Variants in SERPINB11 observed in about 807,000 individuals in gnomAD.
SERPINB11 encodes serpin family B member 11.
A neutral mutation model predicts 36.7 loss-of-function variants in SERPINB11; 32 were observed. That is an observed-to-expected ratio of 0.87 (90% confidence interval 0.66 to 1.17). The LOEUF (loss-of-function observed/expected upper bound fraction) is 1.17, where lower values mean the gene tolerates loss of function less well. Ranked by LOEUF, SERPINB11 falls within the 50% of genes most tolerant of loss-of-function variation. SERPINB11 has a pLI of 0.00. For synonymous variants in SERPINB11, 174 were observed against 168.1 expected, an observed-to-expected ratio of 1.04 and a Z score of -0.27; for missense variants, 528 against 458.4, an observed-to-expected ratio of 1.15 and a Z score of -1.39.
intron 4 of SERPINB11, among the ~76,000 whole-genome samples, 180 bp from the exon 5 acceptor site, chr18:63,715,855 A>G (rs1422846902): frequency 6.6e-6 from 1 of 152,186 alleles, no homozygotes; most frequent in African/African-American, 2.4e-5. Context: ...AGGGTTTCAG[A>G]TTTTGTTAAA....
Position 63,720,051 on chromosome 18 carries a change from C to G in SERPINB11, c.514C>G (p.Pro172Ala), listed in dbSNP as rs1377292061. Residue 172 changes from proline to alanine, a missense_variant, in exon 6 of 8, where the codon CCT becomes GCT. Physicochemically the swap from Pro to Ala is conservative, Grantham distance 27. Coordinates refer to ENST00000544088, the MANE Select transcript of SERPINB11 (RefSeq NM_001370475.1). Reference sequence around the variant, plus strand: ...TCTCTTTGGAAAGAGCACAATTGACCCTTCATCTGTAATGGTCCTGGTGAA... The same window carrying G: ...TCTCTTTGGAAAGAGCACAATTGACGCTTCATCTGTAATGGTCCTGGTGAA... ...ANLFGKSTID[P>A]SSVMVLVNAI... The G allele has an allele frequency of 6.2e-7, 1 of 1,609,194 alleles. No homozygotes were observed. Among genetic ancestry groups the G allele is most frequent in the Admixed American group, 1.7e-5 (1 of 59,286 alleles).
chr18:63,709,321 G>C (rs923147228), intron 1 of SERPINB11, among the ~76,000 whole-genome samples: 1 of 152,126 alleles, frequency 6.6e-6, no homozygotes, highest in African/African-American at 2.4e-5. Flanking sequence ...AGATAAAAAT[G>C]TGCTGGAAGT....
rs529877936 is a variant in SERPINB11, at chr18:63,711,653, C to T, written c.228+259C>T. On this transcript the variant is annotated intron_variant, in intron 3 of 7. Coordinates refer to ENST00000544088, the MANE Select transcript of SERPINB11 (RefSeq NM_001370475.1). ...TCAAACTTTTTTGTTCCTTTATGGA[C>T]GGTGCCCTGTGTTGAGTTTGCCAGT... 5.9e-5 allele frequency among the ~76,000 whole-genome samples: 9 copies of T among 152,140 alleles called. No homozygotes were observed. The South Asian group carries it at 1.0e-3, about 18-fold the overall frequency.
chr18:63,714,845 G>A (rs759559056), intron 4 of SERPINB11, among the ~76,000 whole-genome samples: 4 of 152,082 alleles, frequency 2.6e-5, no homozygotes, highest in African/African-American at 4.8e-5. Flanking sequence ...CTCAGCTTAC[G>A]AAGATGATGG....
chr18:63,704,841 C>T (rs1262273014), intron 1 of SERPINB11, among the ~76,000 whole-genome samples: 1 of 152,150 alleles, frequency 6.6e-6, no homozygotes, highest in African/African-American at 2.4e-5. Flanking sequence ...GAAATTCTCA[C>T]ACAGCTGTGT....
intron 1 of SERPINB11, among the ~76,000 whole-genome samples, chr18:63,709,127 A>G (rs1914447841): frequency 6.6e-6 from 1 of 152,210 alleles, no homozygotes; most frequent in South Asian, 2.1e-4. Context: ...TTCTTGTCCT[A>G]AGATAACACA....
chr18:63,712,391 G>T (rs890098580), intron 3 of SERPINB11, among the ~76,000 whole-genome samples, 174 bp from the exon 4 acceptor site: 2 of 152,146 alleles, frequency 1.3e-5, no homozygotes, highest in Non-Finnish European at 2.9e-5. Flanking sequence ...GTTACAGAGT[G>T]GTGAAATTAA....
intron 4 of SERPINB11, among the ~76,000 whole-genome samples, chr18:63,713,887 T>C (rs1279721277): frequency 2.6e-5 from 4 of 152,180 alleles, no homozygotes; most frequent in Non-Finnish European, 5.9e-5. Context: ...TTGAACTATG[T>C]CATGAGAGGG....
intron 6 of SERPINB11, 158 bp downstream of exon 6, chr18:63,720,313 T>C (rs777780060): frequency 1.4e-4 from 97 of 672,518 alleles, no homozygotes; most frequent in Non-Finnish European, 2.2e-4. Context: ...TTTCCTTTAT[T>C]AAGTGACAAT....
At chr18:63,713,207 C>T (rs939886878) in intron 4 of SERPINB11, among the ~76,000 whole-genome samples, 1 of 152,106 alleles carries the variant, frequency 6.6e-6, no homozygotes, top group Non-Finnish European at 1.5e-5. Context: ...CACCATGGTC[C>T]TATGTAGTTT....
chr18:63,722,169 T>C (rs912682599), intron 7 of SERPINB11, among the ~76,000 whole-genome samples: 10 of 152,180 alleles, frequency 6.6e-5, no homozygotes, highest in African/African-American at 2.2e-4. Context: ...CTCTTGGATG[T>C]GGGCAGAAAA....
Position 63,721,502 on chromosome 18 carries a change from C to T in SERPINB11, c.774+516C>T, listed in dbSNP as rs549897224. On this transcript the variant is annotated intron_variant, in intron 7 of 7. Transcript: ENST00000544088. ...CCAACCCCCTTTCCCCAGCTGCAGC[C>T]AAAGCTGCCCAGCATAGAGCAGGCT... 2.0e-5 allele frequency among the ~76,000 whole-genome samples: 3 copies of T among 152,272 alleles called. No individual in the cohort carries two copies. In the South Asian group the frequency reaches 6.2e-4, roughly 32 times the overall value.
At position 63,723,168 on chromosome 18, in the gene SERPINB11, T is replaced by G. The variant is rs931784749; in HGVS notation, c.948T>G (p.Asp316Glu). ...VTDLFNQVKADLSGMSPTKGL... is the reference protein window; with the variant it reads ...VTDLFNQVKAELSGMSPTKGL... ...ATCTCTTCAACCAGGTCAAAGCTGA[T>G]CTTTCTGGAATGTCACCAACCAAGG... The change falls in exon 8 of 8, where the codon GAT becomes GAG. Residue 316 changes from aspartate to glutamate, a missense_variant. Asp to Glu is a conservative substitution (Grantham distance 45, BLOSUM62 2). Transcript: ENST00000544088. 6.2e-7 allele frequency: 1 copy of G among 1,612,796 alleles called. No homozygotes were observed. Among genetic ancestry groups the G allele is most frequent in the Non-Finnish European group, 8.5e-7 (1 of 1,179,316 alleles).
At chr18:63,706,547 G>T (rs1253741252) in intron 1 of SERPINB11, among the ~76,000 whole-genome samples, 2 of 152,130 alleles carry the variant, frequency 1.3e-5, no homozygotes, top group East Asian at 1.9e-4. Flanking sequence ...GGAGGTAAAA[G>T]AATCAAATAT....
chr18:63,716,843 A>T (rs1030927916), intron 5 of SERPINB11, among the ~76,000 whole-genome samples: 11 of 151,940 alleles, frequency 7.2e-5, no homozygotes, highest in African/African-American at 2.7e-4. Context: ...ACATATCACA[A>T]TTAGTTAATA....
intron 4 of SERPINB11, among the ~76,000 whole-genome samples, chr18:63,713,511 A>G (rs1226727757): frequency 6.6e-6 from 1 of 152,230 alleles, no homozygotes; most frequent in Admixed American, 6.5e-5. Flanking sequence ...TATCTGGGTG[A>G]AGCTGGATGA....
intron 5 of SERPINB11, among the ~76,000 whole-genome samples, chr18:63,719,424 G>C (rs1362062335): frequency 6.6e-6 from 1 of 151,924 alleles, no homozygotes; most frequent in Non-Finnish European, 1.5e-5. Flanking sequence ...TTCCAAAAAG[G>C]TTTTATAAAT....
intron 1 of SERPINB11, among the ~76,000 whole-genome samples, chr18:63,703,862 C>T (rs977176462): frequency 1.3e-5 from 2 of 152,236 alleles, no homozygotes; most frequent in Non-Finnish European, 2.9e-5. Context: ...AGAGTTGTCT[C>T]TTCTGGAAAT....
At chr18:63,711,737 T>A (rs1914532163) in intron 3 of SERPINB11, among the ~76,000 whole-genome samples, 1 of 152,180 alleles carries the variant, frequency 6.6e-6, no homozygotes, top group African/African-American at 2.4e-5. Context: ...AGGACCCTGA[T>A]GCTTGGCATA....
Sources: gnomAD v4.1 joint callset for allele counts (sites outside exome capture counted in the v4.1 genomes callset) on GRCh38, gnomAD v4.1.1 for gene constraint, MANE v1.5 for transcripts, NCBI Gene and HGNC (gene_info 2026-07-23, HGNC 2026-07-21) for gene names.